Variants in ILDR1 observed in about 807,000 individuals in gnomAD.
The protein encoded by ILDR1 is immunoglobulin like domain containing receptor 1.
ILDR1 carries 56 observed loss-of-function variants against 62.4 expected under a neutral mutation model. The ratio of observed to expected loss-of-function variants is 0.90; its 90% CI spans 0.72 to 1.12. ILDR1 has a LOEUF of 1.12. Ranked by LOEUF, ILDR1 falls within the 50% of genes most tolerant of loss-of-function variation. The pLI is 0.00. For missense variants in ILDR1, 736 were observed against 710.6 expected (o/e 1.04, Z -0.41); for synonymous variants, 284 against 277.8 (o/e 1.02, Z -0.22).
rs185109988 is a variant in ILDR1 at position 122,015,392 on chromosome 3, T to C, written c.58+6628A>G. Reference sequence around the variant, plus strand: ...ATCTTTTTTTCCTTTGCTCTTCATATACAGTCTGACATGGTTTGGCTGTGT... The same window carrying C: ...ATCTTTTTTTCCTTTGCTCTTCATACACAGTCTGACATGGTTTGGCTGTGT... On this transcript the variant is annotated intron_variant, in intron 1 of 7. Coordinates refer to ENST00000344209, the MANE Select transcript of ILDR1 (RefSeq NM_001199799.2). Among the ~76,000 whole-genome samples, 175 of 152,344 alleles carry C rather than the reference T, an allele frequency of 1.1e-3. 4 individuals carry two copies. The Middle Eastern group carries it at 0.024, about 21-fold the overall frequency.
the ILDR1 span, among the ~76,000 whole-genome samples, chr3:122,041,947 G>T: frequency 6.9e-6 from 1 of 145,692 alleles, no homozygotes; most frequent in African/African-American, 2.5e-5. Context: ...TTAAGTTTTA[G>T]GGTACATGTG....
chr3:122,009,779 G>C (rs1051830581), intron 1 of ILDR1, among the ~76,000 whole-genome samples: 1 of 152,196 alleles, frequency 6.6e-6, no homozygotes, highest in Non-Finnish European at 1.5e-5. Context: ...ATGATTCTTG[G>C]GTCCTGCCTG....
At position 121,993,213 on chromosome 3, in the gene ILDR1, G is replaced by T. The variant is rs1326191325; in HGVS notation, c.1536C>A (p.Tyr512Ter). The T allele has an allele frequency of 1.2e-6, 2 of 1,613,976 alleles. No homozygotes were observed. The highest frequency in any genetic ancestry group is 1.7e-6 in the Non-Finnish European group (2 of 1,179,960). ...PHWPEEKPPS[Y>*]RSLDITPGKN... ...TGCCTGGAGTGATATCAAGTGAGCG[G>T]TAGCTAGGCGGCTTCTCCTCGGGCC... Residue 512 changes from tyrosine (Y) to a stop codon, truncating the protein, a stop_gained, in exon 7 of 8, where the codon TAC becomes TAA. Transcript: ENST00000344209. LOFTEE classifies it high-confidence loss of function.
At chr3:122,032,536 T>C in the ILDR1 span, among the ~76,000 whole-genome samples, 2 of 152,174 alleles carry the variant, frequency 1.3e-5, no homozygotes, top group African/African-American at 2.4e-5. Context: ...TCTTAAGATA[T>C]GTCCATAAAT....
At chr3:122,048,618 T>G in the ILDR1 span, among the ~76,000 whole-genome samples, 2,326 of 152,344 alleles carry the variant, frequency 0.015, 68 homozygotes, top group African/African-American at 0.053. Context: ...TACAGGTCTG[T>G]TCAGATTATC....
rs2071274207 is a variant in ILDR1, at chr3:121,987,860, A to C, written c.*507T>G. On this transcript the variant is annotated 3_prime_UTR_variant, in exon 8 of 8. Coordinates refer to ENST00000344209, the MANE Select transcript of ILDR1 (RefSeq NM_001199799.2). ...TGCAAGAGAGCATGAACCAAGGCTAAAACTACAGTTGGTAATTCCTCGAAC... is the reference window on the plus strand; with the variant it reads ...TGCAAGAGAGCATGAACCAAGGCTACAACTACAGTTGGTAATTCCTCGAAC... 1 of 262,768 alleles carries C rather than the reference A, an allele frequency of 3.8e-6. No individual in the cohort carries two copies. Among genetic ancestry groups the C allele is most frequent in the Non-Finnish European group, 7.4e-6 (1 of 134,746 alleles). 16.3% of individuals were successfully genotyped at this position (262,768 alleles called of 1,614,324 possible).
chr3:121,996,036 C>CTCGGCTCCAGACCTTTCAAAG (rs2071431420), intron 5 of ILDR1, among the ~76,000 whole-genome samples: 1 of 152,190 alleles, frequency 6.6e-6, no homozygotes, highest in East Asian at 1.9e-4. Flanking sequence ...CTCTCTCTAA[C>CTCGGCTCCAGACCTTTCAAAG]TCGGCTCCAG....
intron 5 of ILDR1, among the ~76,000 whole-genome samples, chr3:121,999,406 T>C (rs1310742334): frequency 1.3e-5 from 2 of 152,244 alleles, no homozygotes; most frequent in African/African-American, 4.8e-5. Context: ...CTATTCCATC[T>C]ATTTGACCAA....
chr3:122,014,328 A>G (rs1576734193), intron 1 of ILDR1, among the ~76,000 whole-genome samples: 1 of 152,268 alleles, frequency 6.6e-6, no homozygotes, highest in East Asian at 1.9e-4. Flanking sequence ...ATCCCTTCAC[A>G]TCTTTTCCTA....
At chr3:122,034,113 A>T in the ILDR1 span, among the ~76,000 whole-genome samples, 5 of 152,224 alleles carry the variant, frequency 3.3e-5, no homozygotes, top group Non-Finnish European at 1.5e-5. Context: ...GTAAGAACTT[A>T]AAAGAAATTT....
In ILDR1 at chr3:121,994,305, G is replaced by T. The variant is rs1365655840; in HGVS notation, c.655C>A (p.Arg219Ser). ...TGGGCCTGCTTCATGTAGCGGTGGC[G>T]GGCCAGGGCTGCAGGGAAAGAAGGA... is the stretch of plus-strand genomic sequence containing the variant. ...HCCCPEEALA[R>S]HRYMKQAQAL... is the part of the protein sequence containing the mutation. Residue 219 changes from arginine to serine, a missense_variant, in exon 6 of 8, where the codon CGC becomes AGC. Coordinates refer to ENST00000344209, the MANE Select transcript of ILDR1 (RefSeq NM_001199799.2). 3 of 1,533,516 alleles carry T rather than the reference G, an allele frequency of 2.0e-6. No individual in the cohort carries two copies. The highest frequency in any genetic ancestry group is 2.7e-5 in the African/African-American group (2 of 72,976). The allele number at this position is 1,533,516 out of a possible 1,614,324, so 95.0% of individuals were successfully genotyped here. A position where few individuals can be genotyped will look rare whatever the true frequency, so the allele number is the denominator to read the frequency against.
rs545010285 is a variant in ILDR1, at chr3:122,001,691, T to G, written c.499+54A>C. On this transcript the variant is annotated intron_variant, in intron 4 of 7. Coordinates refer to ENST00000344209, the MANE Select transcript of ILDR1 (RefSeq NM_001199799.2). ...GGTTTTTTTTTTTTTTTCCTGTGAGTAAAAGTGTTACGGCAGTGAGGGTGA... is the reference window on the plus strand; with the variant it reads ...GGTTTTTTTTTTTTTTTCCTGTGAGGAAAAGTGTTACGGCAGTGAGGGTGA... 1,241 of 1,594,604 alleles carry G rather than the reference T, an allele frequency of 7.8e-4. 1 individual carries two copies. The highest frequency in any genetic ancestry group is 9.9e-4 in the Non-Finnish European group (1,160 of 1,166,436).
At chr3:122,032,512 G>A in the ILDR1 span, among the ~76,000 whole-genome samples, 5,426 of 152,160 alleles carry the variant, frequency 0.036, 189 homozygotes, top group African/African-American at 0.09. Context: ...TTGGTCATAG[G>A]ATATGTATGG....
intron 1 of ILDR1, among the ~76,000 whole-genome samples, chr3:122,015,068 T>C (rs2071759021): frequency 6.6e-6 from 1 of 152,214 alleles, no homozygotes; most frequent in Non-Finnish European, 1.5e-5. Flanking sequence ...GTGCTCCTGG[T>C]AGGAGAGTCA....
chr3:122,045,530 C>CCCCA, the ILDR1 span, among the ~76,000 whole-genome samples: 33 of 150,614 alleles, frequency 2.2e-4, no homozygotes, highest in African/African-American at 7.8e-4. Context: ...TTAAAGTCTC[C>CCCCA]CATTATTAAT....
chr3:122,011,966 A>G (rs1238549967), intron 1 of ILDR1, among the ~76,000 whole-genome samples: 1 of 152,170 alleles, frequency 6.6e-6, no homozygotes, highest in Non-Finnish European at 1.5e-5. Flanking sequence ...CCTTGCTGAC[A>G]ACAAATCCCA....
chr3:122,034,667 A>G, the ILDR1 span, among the ~76,000 whole-genome samples: 1 of 152,292 alleles, frequency 6.6e-6, no homozygotes, highest in African/African-American at 2.4e-5. Context: ...TTCTATAAGA[A>G]TCCTGTATTA....
At chr3:122,028,335 C>CAA in the ILDR1 span, among the ~76,000 whole-genome samples, 6 of 95,446 alleles carry the variant, frequency 6.3e-5, no homozygotes, top group Admixed American at 1.2e-4. Context: ...GACTCCATCT[C>CAA]AAAAAAAAAA....
At chr3:122,034,723 T>C in the ILDR1 span, among the ~76,000 whole-genome samples, 2 of 152,116 alleles carry the variant, frequency 1.3e-5, no homozygotes, top group African/African-American at 2.4e-5. Context: ...GACTGGGGAA[T>C]TTACAAAAGA....
Sources: allele counts gnomAD v4.1 joint callset (sites outside exome capture counted in the v4.1 genomes callset), GRCh38; gene constraint gnomAD v4.1.1; transcripts MANE v1.5; gene names NCBI Gene and HGNC (gene_info 2026-07-23, HGNC 2026-07-21).